The following IL1RAPL1 variants were observed in gnomAD, a reference collection of about 807,000 sequenced individuals.
IL1RAPL1 encodes the protein interleukin-1 receptor accessory protein-like 1.
IL1RAPL1 carries 3 observed loss-of-function variants against 48.4 expected under a neutral mutation model. That is an observed-to-expected ratio of 0.06 (90% CI 0.03 to 0.16). IL1RAPL1 has a LOEUF of 0.16. Among genes scored for constraint, IL1RAPL1 ranks in the 10% least tolerant of loss-of-function variants. The pLI, the probability that IL1RAPL1 is intolerant of heterozygous loss-of-function variation, is 1.00. For missense variants in IL1RAPL1, 349 were observed against 530.6 expected (o/e 0.66, Z 3.36); for synonymous variants, 185 against 187.7 (o/e 0.99, Z 0.12).
intron 3 of IL1RAPL1, among the ~76,000 whole-genome samples, chrX:29,361,937 T>G (rs1234750638): frequency 8.9e-6 from 1 of 112,331 alleles, no homozygotes; most frequent in African/African-American, 3.2e-5. Context: ...TCAGTTTAAT[T>G]GCTTTGGATT....
At chrX:28,870,837 T>C (rs747143167) in intron 2 of IL1RAPL1, among the ~76,000 whole-genome samples, 35 of 111,585 alleles carry the variant, frequency 3.1e-4, no homozygotes, top group Non-Finnish European at 6.0e-4. Context: ...GGGGAAAATA[T>C]TGTAATTTAC....
chrX:29,029,639 G>A (rs111950112), intron 2 of IL1RAPL1, among the ~76,000 whole-genome samples: 1,256 of 111,760 alleles, frequency 0.011, 21 homozygotes, highest in African/African-American at 0.039. Context: ...TATTTTGCAT[G>A]ACAGTCTTTT....
At chrX:29,830,785 G>A in intron 6 of IL1RAPL1, among the ~76,000 whole-genome samples, 1 of 111,341 alleles carries the variant, frequency 9.0e-6, no homozygotes, top group South Asian at 3.8e-4. Flanking sequence ...AGCTGAATGG[G>A]ACTGAACCAA....
At chrX:29,611,369 C>T (rs913170219) in intron 5 of IL1RAPL1, among the ~76,000 whole-genome samples, 1 of 112,034 alleles carries the variant, frequency 8.9e-6, no homozygotes, top group Admixed American at 9.4e-5. Context: ...AACCAATTGT[C>T]ATTTAAACAT....
chrX:29,153,717 A>G (rs1929512024), intron 2 of IL1RAPL1, among the ~76,000 whole-genome samples: 2 of 112,349 alleles, frequency 1.8e-5, no homozygotes, highest in Admixed American at 1.9e-4. Flanking sequence ...AAAGTAAATT[A>G]TTTGTATTGA....
intron 5 of IL1RAPL1, among the ~76,000 whole-genome samples, chrX:29,600,580 G>C (rs1296313757): frequency 9.0e-6 from 1 of 111,699 alleles, no homozygotes; most frequent in Non-Finnish European, 1.9e-5. Context: ...CTGGAGACAC[G>C]TGGTTAAGTA....
At chrX:28,787,723 A>T (rs942861663) in intron 1 of IL1RAPL1, among the ~76,000 whole-genome samples, 2 of 111,791 alleles carry the variant, frequency 1.8e-5, no homozygotes, top group Admixed American at 9.5e-5. Context: ...AATTAAAACC[A>T]TTCAGAAGTA....
chrX:28,956,273 C>T (rs1471878544), intron 2 of IL1RAPL1, among the ~76,000 whole-genome samples: 1 of 107,758 alleles, frequency 9.3e-6, no homozygotes, highest in Non-Finnish European at 1.9e-5. Context: ...TGCCTAATTG[C>T]CCTGGCCAGA....
At chrX:28,668,014 G>A (rs1934901227) in intron 1 of IL1RAPL1, among the ~76,000 whole-genome samples, 1 of 111,946 alleles carries the variant, frequency 8.9e-6, no homozygotes, top group Non-Finnish European at 1.9e-5. Context: ...AGCCTTCAGC[G>A]GTGGCAGCCT....
intron 2 of IL1RAPL1, among the ~76,000 whole-genome samples, chrX:28,878,247 T>C (rs998078251): frequency 2.7e-5 from 3 of 111,982 alleles, no homozygotes; most frequent in African/African-American, 9.7e-5. Context: ...CATTTTTAGC[T>C]GTCAAAATTG....
intron 2 of IL1RAPL1, among the ~76,000 whole-genome samples, chrX:29,169,016 A>G (rs1385343795): frequency 9.5e-6 from 1 of 105,752 alleles, no homozygotes; most frequent in African/African-American, 3.4e-5. Context: ...TATATGATAA[A>G]TGTGATATAT....
At chrX:29,764,277 G>A (rs184057103) in intron 6 of IL1RAPL1, among the ~76,000 whole-genome samples, 2 of 111,568 alleles carry the variant, frequency 1.8e-5, no homozygotes, top group Admixed American at 1.9e-4. Context: ...TCCATTTTAT[G>A]TCTGGAGGAG....
At chrX:29,766,063 G>A (rs1198800143) in intron 6 of IL1RAPL1, among the ~76,000 whole-genome samples, 1 of 108,757 alleles carries the variant, frequency 9.2e-6, no homozygotes, top group African/African-American at 3.4e-5. Flanking sequence ...GGGCGCGGTG[G>A]CTCACGACTG....
chrX:28,813,218 C>T (rs1936815386), intron 2 of IL1RAPL1, among the ~76,000 whole-genome samples: 1 of 111,487 alleles, frequency 9.0e-6, no homozygotes, highest in Admixed American at 9.6e-5. Flanking sequence ...GCTGCTTTCA[C>T]TGATCCCCAA....
intron 2 of IL1RAPL1, among the ~76,000 whole-genome samples, chrX:29,046,243 C>T (rs183410050): frequency 7.3e-5 from 8 of 109,929 alleles, no homozygotes; most frequent in South Asian, 7.9e-4. Flanking sequence ...TTTTTAGAGA[C>T]GATGGGGCCT....
At chrX:28,838,082 T>A (rs1921272291) in intron 2 of IL1RAPL1, among the ~76,000 whole-genome samples, 1 of 110,860 alleles carries the variant, frequency 9.0e-6, no homozygotes, top group South Asian at 3.7e-4. Context: ...TGCCCTGGAA[T>A]CACTCTAGGA....
intron 2 of IL1RAPL1, among the ~76,000 whole-genome samples, chrX:28,848,829 C>G (rs188830566): frequency 8.9e-6 from 1 of 111,917 alleles, no homozygotes; most frequent in East Asian, 2.8e-4. Flanking sequence ...ATTTTTATAA[C>G]TGCTGACACA....
chrX:28,788,190 G>T (rs1328346900), intron 1 of IL1RAPL1, among the ~76,000 whole-genome samples: 1 of 111,816 alleles, frequency 8.9e-6, no homozygotes, highest in African/African-American at 3.3e-5. Flanking sequence ...TGAAGTATGT[G>T]TTAGCTAACT....
chrX:28,768,749 C>CTA (rs1333539964), intron 1 of IL1RAPL1, among the ~76,000 whole-genome samples: 17 of 69,819 alleles, frequency 2.4e-4, no homozygotes, highest in Non-Finnish European at 3.4e-4. Flanking sequence ...CTCTCTCTCT[C>CTA]TCTCTCTATA....
Sources: gnomAD v4.1 joint callset for allele counts (sites outside exome capture counted in the v4.1 genomes callset) on GRCh38, gnomAD v4.1.1 for gene constraint, MANE v1.5 for transcripts, NCBI Gene and HGNC (gene_info 2026-07-23, HGNC 2026-07-21) for gene names.